Variants in TLL1 observed in about 807,000 individuals in gnomAD.
TLL1 encodes tolloid like 1, also known as tolloid-like protein 1.
In TLL1, 49 loss-of-function variants were observed where a neutral mutation model predicts 128.2. The ratio of observed to expected loss-of-function variants is 0.38; its 90% CI spans 0.30 to 0.48. TLL1 has a LOEUF of 0.48. Ranked by LOEUF, TLL1 falls within the 20% of genes least tolerant of loss-of-function variation. The probability of loss-of-function intolerance (pLI) is 0.96; values close to 1 mark genes in which losing one functional copy is unlikely to be tolerated. For synonymous variants in TLL1, 454 were observed against 418.8 expected (o/e 1.08, Z -1.03); for missense variants, 1,123 against 1,242.0 (o/e 0.90, Z 1.44).
chr4:165,946,551 G>A (rs984532586), intron 1 of TLL1, among the ~76,000 whole-genome samples: 6 of 142,268 alleles, frequency 4.2e-5, no homozygotes, highest in African/African-American at 1.3e-4. Context: ...TATTGCCCAA[G>A]CTGGTCTGGA....
intron 1 of TLL1, among the ~76,000 whole-genome samples, chr4:165,925,145 G>A (rs1442978979): frequency 6.6e-6 from 1 of 152,196 alleles, no homozygotes; most frequent in Non-Finnish European, 1.5e-5. Flanking sequence ...TCACAGAGGA[G>A]CAATTTTGGC....
chr4:166,045,812 C>G (rs1354384591), intron 12 of TLL1, among the ~76,000 whole-genome samples: 1 of 152,098 alleles, frequency 6.6e-6, no homozygotes, highest in Non-Finnish European at 1.5e-5. Flanking sequence ...TCCGCTGCCT[C>G]AGATCTTTGC....
chr4:165,949,527 G>A (rs185273097), intron 1 of TLL1, among the ~76,000 whole-genome samples: 18 of 152,206 alleles, frequency 1.2e-4, no homozygotes, highest in Non-Finnish European at 2.1e-4. Context: ...GTATTAGTCC[G>A]TTTTCATGCT....
chr4:165,956,987 TC>T (rs1734833467), intron 1 of TLL1, among the ~76,000 whole-genome samples: 1 of 151,976 alleles, frequency 6.6e-6, no homozygotes, highest in Non-Finnish European at 1.5e-5. Flanking sequence ...ACAGACAGGA[TC>T]AAAACCTCAA....
intron 1 of TLL1, among the ~76,000 whole-genome samples, chr4:165,876,859 C>T (rs563775512): frequency 1.3e-5 from 2 of 152,282 alleles, no homozygotes; most frequent in South Asian, 2.1e-4. Context: ...GATGCGATTG[C>T]TTGCATATCT....
At chr4:166,074,093 GT>G (rs1740910855) in intron 16 of TLL1, among the ~76,000 whole-genome samples, 1 of 152,054 alleles carries the variant, frequency 6.6e-6, no homozygotes, top group Non-Finnish European at 1.5e-5. Context: ...TGTTAATCTA[GT>G]TTGGCTTTTT....
rs140396553 is a variant in TLL1 at position 165,994,970 on chromosome 4, A to C, written c.515-91A>C. ...GTTGATGATAGTGGTGGCATTCTGC[A>C]CTGCTCAGCCAGACTTAGGGTAGAG... On this transcript the variant is annotated intron_variant, in intron 4 of 20. Coordinates refer to ENST00000061240, the MANE Select transcript of TLL1 (RefSeq NM_012464.5). 248 of 1,009,902 alleles carry C rather than the reference A, an allele frequency of 2.5e-4. No individual in the cohort carries two copies. The African/African-American group carries it at 3.4e-3, about 14-fold the overall frequency. 62.6% of individuals were successfully genotyped at this position (1,009,902 alleles called of 1,614,324 possible).
intron 19 of TLL1, among the ~76,000 whole-genome samples, chr4:166,093,319 G>A (rs2111160616): frequency 6.6e-6 from 1 of 152,232 alleles, no homozygotes; most frequent in South Asian, 2.1e-4. Context: ...AGGTCAGCAA[G>A]AAAACTTGTG....
chr4:165,875,699 ATGT>A (rs1474760617), intron 1 of TLL1, among the ~76,000 whole-genome samples: 2 of 152,190 alleles, frequency 1.3e-5, no homozygotes, highest in Admixed American at 6.5e-5. Context: ...CTTTTGAATA[ATGT>A]TGTAACTTGC....
rs191832846 is a variant in TLL1 at position 166,057,722 on chromosome 4, C to T, written c.1846+413C>T. 5.3e-5 allele frequency among the ~76,000 whole-genome samples: 8 copies of T among 152,250 alleles called. No homozygotes were observed. The East Asian group carries it at 7.7e-4, about 15-fold the overall frequency. On this transcript the variant is annotated intron_variant, in intron 14 of 20. Transcript: ENST00000061240. ...AGAAGACAAAAGAAGAGCAAAGGCA[C>T]GTCGTATATGGCAGCGAGCCAGAAA...
chr4:166,042,842 T>A (rs566060662), intron 11 of TLL1, among the ~76,000 whole-genome samples: 35 of 152,296 alleles, frequency 2.3e-4, no homozygotes, highest in African/African-American at 7.9e-4. Context: ...TCACGGACGC[T>A]GCGCACATGA....
At chr4:166,099,930 C>T (rs1560872097) in intron 20 of TLL1, among the ~76,000 whole-genome samples, 2 of 152,116 alleles carry the variant, frequency 1.3e-5, no homozygotes, top group South Asian at 2.1e-4. Context: ...AATTCACATT[C>T]TCTTTTTAAC....
chr4:166,095,332 T>C (rs187319540), intron 19 of TLL1, among the ~76,000 whole-genome samples: 1 of 152,038 alleles, frequency 6.6e-6, no homozygotes, highest in African/African-American at 2.4e-5. Context: ...GCTCAAATTC[T>C]AATTCCAAAT....
At chr4:166,060,863 T>C (rs1048410294) in intron 15 of TLL1, among the ~76,000 whole-genome samples, 3 of 152,214 alleles carry the variant, frequency 2.0e-5, no homozygotes, top group Non-Finnish European at 1.5e-5. Context: ...AAAACATCCT[T>C]TGTGTGATTG....
At position 166,100,729 on chromosome 4, in the gene TLL1, T is replaced by C. The variant is rs1742247952; in HGVS notation, c.2908-13T>C. 3 of 1,612,558 alleles carry C rather than the reference T, an allele frequency of 1.9e-6. No individual in the cohort carries two copies. Among genetic ancestry groups the C allele is most frequent in the Non-Finnish European group, 2.5e-6 (3 of 1,179,076 alleles). On this transcript the variant is annotated splice_polypyrimidine_tract_variant and intron_variant, in intron 20 of 20. Coordinates refer to ENST00000061240, the MANE Select transcript of TLL1 (RefSeq NM_012464.5). ...TGCTTGTTTACTTGCTTGTTGTTTT[T>C]GTTTTCCTTCAGCCACCAGAAGAGA...
At chr4:166,053,541 T>C (rs924792319) in intron 12 of TLL1, among the ~76,000 whole-genome samples, 5 of 152,162 alleles carry the variant, frequency 3.3e-5, no homozygotes, top group Non-Finnish European at 7.3e-5. Context: ...GCAAATGTAG[T>C]ACCTAGTTCT....
intron 1 of TLL1, among the ~76,000 whole-genome samples, chr4:165,977,660 A>G (rs549861491): frequency 8.5e-5 from 13 of 152,348 alleles, no homozygotes; most frequent in African/African-American, 1.2e-4. Flanking sequence ...AATGCACTAA[A>G]TAAACTACAT....
intron 1 of TLL1, chr4:165,919,970 TC>T: frequency 2.7e-6 from 1 of 373,870 alleles, no homozygotes; most frequent in South Asian, 2.0e-5. Context: ...GGGGGCTAAA[TC>T]CCTTCAGTGA....
At chr4:165,947,108 A>G (rs938760313) in intron 1 of TLL1, among the ~76,000 whole-genome samples, 2 of 152,156 alleles carry the variant, frequency 1.3e-5, no homozygotes, top group African/African-American at 4.8e-5. Context: ...GGGAAGTCCA[A>G]GATCAAGTAG....
Sources: gnomAD v4.1 joint callset for allele counts (sites outside exome capture counted in the v4.1 genomes callset) on GRCh38, gnomAD v4.1.1 for gene constraint, MANE v1.5 for transcripts, NCBI Gene and HGNC (gene_info 2026-07-23, HGNC 2026-07-21) for gene names.